The following RPS6KA2 variants were observed in gnomAD, a reference collection of about 807,000 sequenced individuals.
The protein encoded by RPS6KA2 is ribosomal protein S6 kinase A2.
A neutral mutation model predicts 91.8 loss-of-function variants in RPS6KA2; 42 were observed. The ratio of observed to expected loss-of-function variants is 0.46; its 90% CI spans 0.36 to 0.59. RPS6KA2 has a LOEUF of 0.59. Ranked by LOEUF, RPS6KA2 falls within the 20% of genes least tolerant of loss-of-function variation. The probability of loss-of-function intolerance (pLI) is 0.00; values close to 1 mark genes in which losing one functional copy is unlikely to be tolerated. For synonymous variants in RPS6KA2, 414 were observed against 393.6 expected, an observed-to-expected ratio of 1.05 and a Z score of -0.61; for missense variants, 798 against 978.5, an observed-to-expected ratio of 0.82 and a Z score of 2.46.
intron 1 of RPS6KA2, among the ~76,000 whole-genome samples, chr6:166,579,049 A>C (rs1453423022): frequency 6.6e-6 from 1 of 152,190 alleles, no homozygotes; most frequent in Non-Finnish European, 1.5e-5. Context: ...AGCAGCATGG[A>C]AAACGGAGGA....
At chr6:166,602,318 C>T (rs994041175) in intron 1 of RPS6KA2, among the ~76,000 whole-genome samples, 1 of 152,224 alleles carries the variant, frequency 6.6e-6, no homozygotes, top group African/African-American at 2.4e-5. Flanking sequence ...AGTTGAAGAT[C>T]GTGTGCTCCA....
intron 2 of RPS6KA2, among the ~76,000 whole-genome samples, chr6:166,700,616 G>T (rs1789480911): frequency 1.3e-5 from 2 of 152,172 alleles, no homozygotes; most frequent in Admixed American, 6.5e-5. Context: ...TCATGTTAGT[G>T]TTAAGTAAAA....
At chr6:166,820,602 T>A (rs975103238) in intron 2 of RPS6KA2, among the ~76,000 whole-genome samples, 3 of 152,184 alleles carry the variant, frequency 2.0e-5, no homozygotes, top group African/African-American at 7.2e-5. Context: ...CAAAGTTGAG[T>A]TACTGTGCAG....
chr6:166,578,143 C>T (rs752733955), intron 1 of RPS6KA2, among the ~76,000 whole-genome samples: 2 of 152,128 alleles, frequency 1.3e-5, no homozygotes, highest in Non-Finnish European at 2.9e-5. Flanking sequence ...TTGGGGATGT[C>T]TTTATCAGGA....
In RPS6KA2 at chr6:166,726,535, T is replaced by A. The variant is rs142219454; in HGVS notation, c.123+131665A>T. On this transcript the variant is annotated intron_variant, in intron 2 of 21. Transcript: ENST00000503859. This position sits in a 1 kb window ranked among gnomAD's most constrained non-coding sequence, Gnocchi z 4.4. Reference sequence around the variant, plus strand: ...AGAAGGACATGCATCCTGCCGCCCATGTCAGACACACGTCCCTTGCATGAA... The same window carrying A: ...AGAAGGACATGCATCCTGCCGCCCAAGTCAGACACACGTCCCTTGCATGAA... Among the ~76,000 whole-genome samples, 2 of 152,232 alleles carry A rather than the reference T, an allele frequency of 1.3e-5. No individual in the cohort carries two copies.
intron 2 of RPS6KA2, among the ~76,000 whole-genome samples, chr6:166,838,384 A>G (rs2128628892): frequency 6.6e-6 from 1 of 152,316 alleles, no homozygotes; most frequent in East Asian, 1.9e-4. Flanking sequence ...ATGGAGGAAA[A>G]TGTATTTATT....
chr6:166,438,159 CAG>C (rs1354537722), intron 14 of RPS6KA2, among the ~76,000 whole-genome samples: 2 of 152,236 alleles, frequency 1.3e-5, no homozygotes, highest in African/African-American at 4.8e-5. Context: ...AAACTAATGA[CAG>C]AGAGAAAGAA....
chr6:166,658,120 G>T (rs111925966), intron 2 of RPS6KA2, among the ~76,000 whole-genome samples: 1 of 152,184 alleles, frequency 6.6e-6, no homozygotes, highest in Non-Finnish European at 1.5e-5. Flanking sequence ...GACCTCAGGT[G>T]ATTCGCCCAC....
intron 2 of RPS6KA2, among the ~76,000 whole-genome samples, chr6:166,831,110 G>C (rs1172966408): frequency 8.5e-5 from 13 of 152,116 alleles, no homozygotes. Flanking sequence ...CATCCACGGA[G>C]AGAACCCCTG....
At position 166,490,799 on chromosome 6, in the gene RPS6KA2, G is replaced by T; in HGVS notation, c.748-58C>A. ...TCATCCAGATGGACCCGGCTTCACG[G>T]CAGAGTACCCCAGCAGGGCAGCCTG... is the stretch of plus-strand genomic sequence containing the variant. On this transcript the variant is annotated intron_variant, in intron 8 of 20. Transcript: ENST00000265678. This position sits in a 1 kb window ranked among gnomAD's most constrained non-coding sequence, Gnocchi z 4.2. 2 of 1,334,998 alleles carry T rather than the reference G, an allele frequency of 1.5e-6. No individual in the cohort carries two copies. The highest frequency in any genetic ancestry group is 1.1e-6 in the Non-Finnish European group (1 of 938,450). 82.7% of individuals were successfully genotyped at this position (1,334,998 alleles called of 1,614,324 possible).
intron 10 of RPS6KA2, among the ~76,000 whole-genome samples, chr6:166,472,464 C>T (rs2128466061): frequency 6.6e-6 from 1 of 152,250 alleles, no homozygotes; most frequent in African/African-American, 2.4e-5. Flanking sequence ...AGATTTTGCA[C>T]CATGTTTGTA....
intron 8 of RPS6KA2, among the ~76,000 whole-genome samples, chr6:166,497,698 A>T (rs6940371): frequency 6.6e-6 from 1 of 152,074 alleles, no homozygotes; most frequent in South Asian, 2.1e-4. Context: ...GACGAGGAGT[A>T]GGGTGTGGTG....
intron 2 of RPS6KA2, among the ~76,000 whole-genome samples, chr6:166,766,619 T>C (rs1778317294): frequency 6.6e-6 from 1 of 152,190 alleles, no homozygotes; most frequent in Non-Finnish European, 1.5e-5. Context: ...TCTCCAGCTA[T>C]CCCAAAAAGA....
intron 1 of RPS6KA2, among the ~76,000 whole-genome samples, chr6:166,611,068 T>C (rs1292306496): frequency 6.6e-6 from 1 of 152,256 alleles, no homozygotes; most frequent in African/African-American, 2.4e-5. Context: ...TATTTATTTT[T>C]TTCAACGAAT....
chr6:166,862,514 C>G, exon 1 of RPS6KA2: 2 of 463,324 alleles, frequency 4.3e-6, no homozygotes, highest in South Asian at 3.0e-5. Flanking sequence ...TGTACTGCGA[C>G]TTTGGCAGAG....
chr6:166,489,344 G>T (rs192839081), intron 9 of RPS6KA2, among the ~76,000 whole-genome samples: 1 of 152,198 alleles, frequency 6.6e-6, no homozygotes, highest in Admixed American at 6.5e-5. Context: ...ACTTGGGTGC[G>T]TCTCTTCCTG....
At chr6:166,489,171 T>C (rs6938359) in intron 9 of RPS6KA2, among the ~76,000 whole-genome samples, 29,202 of 152,152 alleles carry the variant, frequency 0.19, 3,937 homozygotes, top group African/African-American at 0.38. Context: ...ATAATTTCCA[T>C]TTCCTAATTC....
intron 2 of RPS6KA2, among the ~76,000 whole-genome samples, chr6:166,851,579 C>A (rs1780744745): frequency 6.6e-6 from 1 of 152,342 alleles, no homozygotes; most frequent in African/African-American, 2.4e-5. Context: ...CGTGAGGAGC[C>A]AGCGGTGAGT....
intron 1 of RPS6KA2, among the ~76,000 whole-genome samples, chr6:166,551,915 GAT>G (rs1048709708): frequency 2.0e-4 from 31 of 152,354 alleles, no homozygotes; most frequent in African/African-American, 7.0e-4. Flanking sequence ...CTTGGGCACA[GAT>G]AGGGTATTTC....
Sources: allele counts gnomAD v4.1 joint callset (sites outside exome capture counted in the v4.1 genomes callset), GRCh38; gene constraint gnomAD v4.1.1; non-coding constraint Gnocchi (gnomAD v3.1); transcripts MANE v1.5; gene names NCBI Gene and HGNC (gene_info 2026-07-23, HGNC 2026-07-21).